The following ADARB2 variants were observed in gnomAD, a reference collection of about 807,000 sequenced individuals.
ADARB2 encodes adenosine deaminase RNA specific B2 (inactive).
A neutral mutation model predicts 62.2 loss-of-function variants in ADARB2; 25 were observed. The ratio of observed to expected loss-of-function variants is 0.40; its 90% CI spans 0.29 to 0.56. ADARB2 has a LOEUF of 0.56. Ranked by LOEUF, ADARB2 falls within the 20% of genes least tolerant of loss-of-function variation. The pLI is 0.43. For synonymous variants in ADARB2, 572 were observed against 500.8 expected (o/e 1.14, Z -1.90); for missense variants, 1,071 against 1,077.4 (o/e 0.99, Z 0.08).
intron 1 of ADARB2, among the ~76,000 whole-genome samples, chr10:1,547,043 G>C (rs1441816627): frequency 6.6e-6 from 1 of 152,246 alleles, no homozygotes; most frequent in Non-Finnish European, 1.5e-5. Flanking sequence ...CATTCGTCGA[G>C]AGCGGGACGC....
chr10:1,672,601 C>T (rs1834402242), intron 1 of ADARB2, among the ~76,000 whole-genome samples: 2 of 111,660 alleles, frequency 1.8e-5, no homozygotes, highest in Admixed American at 9.3e-5. Flanking sequence ...CCTCCAAGCC[C>T]CGCGCCTGCC....
intron 1 of ADARB2, among the ~76,000 whole-genome samples, chr10:1,401,117 G>T (rs1333854398): frequency 1.3e-5 from 2 of 152,140 alleles, no homozygotes; most frequent in Non-Finnish European, 2.9e-5. Context: ...GCCTCCCATT[G>T]TGTGTCCCGG....
chr10:1,309,700 G>A (rs1476224456), intron 3 of ADARB2, among the ~76,000 whole-genome samples: 1 of 152,242 alleles, frequency 6.6e-6, no homozygotes, highest in Non-Finnish European at 1.5e-5. Flanking sequence ...CTGGTCTTCA[G>A]ATCCTAGAAT....
chr10:1,659,291 A>T (rs191420548), intron 1 of ADARB2, among the ~76,000 whole-genome samples: 1 of 152,274 alleles, frequency 6.6e-6, no homozygotes. Flanking sequence ...TGCTAAATAA[A>T]CGGGGATGGG....
chr10:1,380,361 A>G (rs777084038), intron 1 of ADARB2, among the ~76,000 whole-genome samples: 3 of 152,232 alleles, frequency 2.0e-5, no homozygotes, highest in Non-Finnish European at 4.4e-5. Flanking sequence ...CTGTTTTGGA[A>G]GCTGTGGATA....
intron 1 of ADARB2, among the ~76,000 whole-genome samples, chr10:1,607,741 G>T (rs933848805): frequency 6.6e-6 from 1 of 152,178 alleles, no homozygotes; most frequent in Non-Finnish European, 1.5e-5. Context: ...GCTGACTTCT[G>T]ACTCCAGGAG....
intron 1 of ADARB2, among the ~76,000 whole-genome samples, chr10:1,480,250 A>T (rs750770401): frequency 5.3e-5 from 8 of 152,266 alleles, no homozygotes; most frequent in Non-Finnish European, 8.8e-5. Context: ...AATTAAAATT[A>T]TCTGTTTGCA....
At chr10:1,410,098 T>C (rs1162366734) in intron 1 of ADARB2, among the ~76,000 whole-genome samples, 1 of 147,190 alleles carries the variant, frequency 6.8e-6, no homozygotes, top group East Asian at 2.1e-4. Flanking sequence ...GCTGTGGTCA[T>C]GGTGCTGAGG....
In ADARB2 at chr10:1,603,369, G is replaced by T. The variant is rs149240450; in HGVS notation, c.100+133682C>A. Among the ~76,000 whole-genome samples, 983 of 152,302 alleles carry T rather than the reference G, an allele frequency of 6.5e-3. 10 individuals carry two copies. Among genetic ancestry groups the T allele is most frequent in the African/African-American group, 0.023 (939 of 41,568 alleles). ...GGCTTGGAGCCCGACCCTGGTAGTC[G>T]CTCCGCTCTAAGGACCTTTGCACCT... On this transcript the variant is annotated intron_variant, in intron 1 of 9. Coordinates refer to ENST00000381312, the MANE Select transcript of ADARB2 (RefSeq NM_018702.4).
intron 4 of ADARB2, among the ~76,000 whole-genome samples, chr10:1,260,000 GA>G (rs1831118618): frequency 6.6e-6 from 1 of 152,098 alleles, no homozygotes; most frequent in South Asian, 2.1e-4. Flanking sequence ...TTCAACATAC[GA>G]AAATCAATAA....
chr10:1,410,836 G>A (rs1034997387), intron 1 of ADARB2, among the ~76,000 whole-genome samples: 9 of 152,190 alleles, frequency 5.9e-5, no homozygotes, highest in African/African-American at 2.2e-4. Flanking sequence ...GCCTTGAGAC[G>A]TCTGTGAGTG....
rs563696320 is a variant in ADARB2, at chr10:1,419,672, C to T, written c.101-40512G>A. ...ATTAAAGTCTCATGATGTCTCTAAG[C>T]AGTTCTTGTTATATAACAGAATGAA... On this transcript the variant is annotated intron_variant, in intron 1 of 9. Transcript: ENST00000381312. 1.4e-4 allele frequency among the ~76,000 whole-genome samples: 21 copies of T among 152,330 alleles called. No individual in the cohort carries two copies. In the South Asian group the frequency reaches 3.9e-3, roughly 29 times the overall value.
rs1836664112 is a variant in ADARB2, at chr10:1,180,791, C to T, written c.*2402G>A. The T allele has an allele frequency of 6.6e-6, 1 of 152,268 alleles. No homozygotes were observed. The highest frequency in any genetic ancestry group is 1.5e-5 in the Non-Finnish European group (1 of 68,050). 9.4% of individuals were successfully genotyped at this position (152,268 alleles called of 1,614,324 possible). A position where few individuals can be genotyped will look rare whatever the true frequency, so the allele number is the denominator to read the frequency against. On this transcript the variant is annotated 3_prime_UTR_variant, in exon 10 of 10. Coordinates refer to ENST00000381312, the MANE Select transcript of ADARB2 (RefSeq NM_018702.4). ...GGCCTTCTCTGAAGAGCTTTAATCTCTCCTTCCATGGAGTCTCCTGTGGAC... is the reference window on the plus strand; with the variant it reads ...GGCCTTCTCTGAAGAGCTTTAATCTTTCCTTCCATGGAGTCTCCTGTGGAC...
At position 1,486,210 on chromosome 10, in the gene ADARB2, C is replaced by CTGTGTGTGTGTGTG. The variant is rs61283089; in HGVS notation, c.101-107064_101-107051dup. ...TGTGCATGTGTATGTGTGTGGACGC[C>CTGTGTGTGTGTGTG]TGTGTGTGTGTGTGTGTGTGTGTGT... On this transcript the variant is annotated intron_variant, in intron 1 of 9. Transcript: ENST00000381312. Among the ~76,000 whole-genome samples the CTGTGTGTGTGTGTG allele has an allele frequency of 2.5e-3, 356 of 142,946 alleles. 2 individuals are homozygous for CTGTGTGTGTGTGTG. Among genetic ancestry groups the CTGTGTGTGTGTGTG allele is most frequent in the African/African-American group, 8.0e-3 (318 of 39,654 alleles). 93.8% of individuals were successfully genotyped at this position (142,946 alleles called of 152,430 possible). A position where few individuals can be genotyped will look rare whatever the true frequency, so the allele number is the denominator to read the frequency against.
At chr10:1,650,640 C>G (rs1421878968) in intron 1 of ADARB2, among the ~76,000 whole-genome samples, 1 of 152,226 alleles carries the variant, frequency 6.6e-6, no homozygotes, top group African/African-American at 2.4e-5. Flanking sequence ...CCCTTACTAT[C>G]TTAAATTAAA....
At chr10:1,603,623 G>T (rs1026512709) in intron 1 of ADARB2, among the ~76,000 whole-genome samples, 1 of 151,282 alleles carries the variant, frequency 6.6e-6, no homozygotes, top group African/African-American at 2.4e-5. Flanking sequence ...CACTTTTGTG[G>T]TTTATGTGAC....
At chr10:1,435,859 T>A (rs925553549) in intron 1 of ADARB2, among the ~76,000 whole-genome samples, 4 of 152,110 alleles carry the variant, frequency 2.6e-5, no homozygotes, top group African/African-American at 9.7e-5. Flanking sequence ...AGTAAAAACG[T>A]TTCGAAGGGA....
intron 1 of ADARB2, among the ~76,000 whole-genome samples, chr10:1,626,695 G>A (rs1232491310): frequency 2.0e-5 from 3 of 152,210 alleles, no homozygotes; most frequent in Admixed American, 6.5e-5. Context: ...AGGGCCATGG[G>A]CAGAGGGAAG....
In ADARB2 at chr10:1,550,004, G is replaced by A. The variant is rs889257095; in HGVS notation, c.101-170844C>T. Among the ~76,000 whole-genome samples, 6 of 152,292 alleles carry A rather than the reference G, an allele frequency of 3.9e-5. No individual in the cohort carries two copies. The South Asian group carries it at 1.2e-3, about 32-fold the overall frequency. ...CCTCCAAAACACAACACACCATATTGTTTATAAGAGGCTACCAGGGACTGA... is the reference window on the plus strand; with the variant it reads ...CCTCCAAAACACAACACACCATATTATTTATAAGAGGCTACCAGGGACTGA... On this transcript the variant is annotated intron_variant, in intron 1 of 9. Coordinates refer to ENST00000381312, the MANE Select transcript of ADARB2 (RefSeq NM_018702.4).
Sources: gnomAD v4.1 joint callset for allele counts (sites outside exome capture counted in the v4.1 genomes callset) on GRCh38, gnomAD v4.1.1 for gene constraint, MANE v1.5 for transcripts, NCBI Gene and HGNC (gene_info 2026-07-23, HGNC 2026-07-21) for gene names.